The following SPATA9 variants were observed in gnomAD, a reference collection of about 807,000 sequenced individuals.
SPATA9 encodes the protein spermatogenesis-associated protein 9.
A neutral mutation model predicts 25.5 loss-of-function variants in SPATA9; 27 were observed. That is an observed-to-expected ratio of 1.06 (90% CI 0.78 to 1.46). The LOEUF (loss-of-function observed/expected upper bound fraction) is 1.46. Ranked by LOEUF, SPATA9 falls within the 40% of genes most tolerant of loss-of-function variation. The pLI is 0.00. For missense variants in SPATA9, 282 were observed against 297.5 expected (o/e 0.95, Z 0.38); for synonymous variants, 102 against 105.7 (o/e 0.97, Z 0.21).
intron 8 of SPATA9, chr5:95,653,219 G>GA (rs1405126579): frequency 3.2e-6 from 5 of 1,551,580 alleles, no homozygotes; most frequent in Non-Finnish European, 4.4e-6. Flanking sequence ...TCTGAGGTAA[G>GA]AAAATGAAAG....
chr5:95,730,084 T>TA, the SPATA9 span, among the ~76,000 whole-genome samples: 1,557 of 145,948 alleles, frequency 0.011, 10 homozygotes, highest in Middle Eastern at 0.017. Context: ...GAAATTAGAT[T>TA]AAAAAAAAAA....
intron 1 of SPATA9, among the ~76,000 whole-genome samples, chr5:95,688,565 C>G (rs77735036): frequency 6.6e-6 from 1 of 152,096 alleles, no homozygotes; most frequent in Non-Finnish European, 1.5e-5. Context: ...ATGCATTTTA[C>G]GCAATGTAGA....
chr5:95,679,479 A>G (rs1279474585), intron 2 of SPATA9, among the ~76,000 whole-genome samples: 1 of 152,206 alleles, frequency 6.6e-6, no homozygotes, highest in Non-Finnish European at 1.5e-5. Flanking sequence ...TTGCCCTCAG[A>G]AACTCTTAAG....
At chr5:95,685,140 A>T (rs1010508187), upstream of SPATA9, among the ~76,000 whole-genome samples, 2 of 152,238 alleles carry the variant, frequency 1.3e-5, no homozygotes, top group Admixed American at 6.5e-5. Flanking sequence ...CTTACCTTTT[A>T]AAAAGGAAAC....
intron 2 of SPATA9, among the ~76,000 whole-genome samples, chr5:95,680,079 T>C (rs1490166342): frequency 6.6e-6 from 1 of 152,174 alleles, no homozygotes; most frequent in African/African-American, 2.4e-5. Context: ...TTTGTATTTT[T>C]AGTAGAGACG....
At chr5:95,657,205 T>G (rs1188484453), downstream of SPATA9, 2 of 152,162 alleles carry the variant, frequency 1.3e-5, no homozygotes, top group African/African-American at 2.4e-5. Context: ...AGAGGAGATC[T>G]AGGGTTTTGT....
chr5:95,675,511 C>T lies in SPATA9; in HGVS notation c.279G>A (p.Leu93=). Residue 93 remains leucine (L), a synonymous_variant, in exon 3 of 5, where the codon CTG becomes CTA. Coordinates refer to ENST00000274432, the MANE Select transcript of SPATA9 (RefSeq NM_031952.4). The part of the protein sequence containing the change: ...SRSSKSVAKL[L]HPQLACRLLE... Reference sequence around the variant, plus strand: ...AAAGTCTGCATGCAAGCTGAGGATGCAGAAGTTTGGCCACTGATTTGGAGG... The same window carrying T: ...AAAGTCTGCATGCAAGCTGAGGATGTAGAAGTTTGGCCACTGATTTGGAGG... The T allele has an allele frequency of 6.2e-7, 1 of 1,614,142 alleles. No homozygotes were observed. Among genetic ancestry groups the T allele is most frequent in the African/African-American group, 1.3e-5 (1 of 75,030 alleles).
downstream of SPATA9, chr5:95,652,476 A>T: frequency 9.9e-7 from 1 of 1,010,516 alleles, no homozygotes; most frequent in Non-Finnish European, 1.3e-6. Context: ...TGTGTAAAAT[A>T]TATATAGCTC....
chr5:95,714,337 T>C, the SPATA9 span, among the ~76,000 whole-genome samples: 7 of 152,156 alleles, frequency 4.6e-5, no homozygotes, highest in Admixed American at 1.3e-4. Flanking sequence ...AGGAACAATG[T>C]ATAGCAAGAG....
the SPATA9 span, among the ~76,000 whole-genome samples, chr5:95,713,212 G>A: frequency 6.6e-6 from 1 of 151,958 alleles, no homozygotes. Context: ...GCCCACTTGA[G>A]TCCATCAAGC....
At chr5:95,666,729 G>A (rs978530250) in intron 3 of SPATA9, among the ~76,000 whole-genome samples, 20 of 126,674 alleles carry the variant, frequency 1.6e-4, no homozygotes, top group African/African-American at 5.8e-4. Flanking sequence ...TGACTGTAAG[G>A]CAGCAGCATC....
rs1392017788 is a variant in SPATA9, at chr5:95,659,017, A to G, written c.475-104T>C. The stretch of plus-strand genomic sequence containing the variant: ...TTCCACATAAAGTCATTTAATCTAC[A>G]TAATCTAATAAAAAACACTTCTTTT... On this transcript the variant is annotated intron_variant, in intron 4 of 4. Transcript: ENST00000274432. 5.7e-6 allele frequency: 8 copies of G among 1,403,220 alleles called. No homozygotes were observed. The African/African-American group carries it at 1.0e-4, about 18-fold the overall frequency. 86.9% of individuals were successfully genotyped at this position (1,403,220 alleles called of 1,614,324 possible).
At chr5:95,677,891 G>A (rs1753094196) in intron 2 of SPATA9, among the ~76,000 whole-genome samples, 1 of 152,052 alleles carries the variant, frequency 6.6e-6, no homozygotes, top group Admixed American at 6.5e-5. Flanking sequence ...ATACCCAATT[G>A]TAGTACATAA....
At chr5:95,672,691 T>C (rs987535873) in intron 3 of SPATA9, among the ~76,000 whole-genome samples, 2 of 152,216 alleles carry the variant, frequency 1.3e-5, no homozygotes, top group Admixed American at 6.5e-5. Flanking sequence ...TAAGCCTGTT[T>C]TTCTTAGGTT....
chr5:95,729,114 C>T, the SPATA9 span, among the ~76,000 whole-genome samples: 1 of 152,212 alleles, frequency 6.6e-6, no homozygotes, highest in South Asian at 2.1e-4. Context: ...TATAAGTATA[C>T]TCAGTCGAGC....
the SPATA9 span, among the ~76,000 whole-genome samples, chr5:95,714,531 C>T: frequency 5.9e-5 from 9 of 152,108 alleles, no homozygotes; most frequent in Admixed American, 1.3e-4. Context: ...GAGTGTCCTT[C>T]GGATTGGGCA....
At chr5:95,725,277 G>C in the SPATA9 span, among the ~76,000 whole-genome samples, 3 of 152,218 alleles carry the variant, frequency 2.0e-5, no homozygotes, top group Non-Finnish European at 4.4e-5. Flanking sequence ...AAATGATGAT[G>C]AATAAAAGAA....
chr5:95,654,185 G>C (rs1339127873), downstream of SPATA9: 1 of 1,612,828 alleles, frequency 6.2e-7, no homozygotes, highest in Non-Finnish European at 8.5e-7. Flanking sequence ...TAGAGAAGTG[G>C]TCATTTTCTA....
the SPATA9 span, among the ~76,000 whole-genome samples, chr5:95,718,882 C>A: frequency 6.6e-6 from 1 of 152,098 alleles, no homozygotes; most frequent in African/African-American, 2.4e-5. Context: ...CAGGAGAGCA[C>A]AAGCAGGGAA....
Sources: allele counts gnomAD v4.1 joint callset (sites outside exome capture counted in the v4.1 genomes callset), GRCh38; gene constraint gnomAD v4.1.1; transcripts MANE v1.5; gene names NCBI Gene and HGNC (gene_info 2026-07-23, HGNC 2026-07-21).